Variants in TACR3 observed in about 807,000 individuals in gnomAD.
TACR3 encodes neuromedin-K receptor.
Under a neutral mutation model 35.0 loss-of-function variants are expected in TACR3, and 34 were observed. The ratio of observed to expected loss-of-function variants is 0.97; its 90% CI spans 0.74 to 1.30. The LOEUF is 1.30. Among genes scored for constraint, TACR3 ranks in the 50% most tolerant of loss-of-function variants. The pLI, the probability that TACR3 is intolerant of heterozygous loss-of-function variation, is 0.00. For missense variants in TACR3, 558 were observed against 591.7 expected, an observed-to-expected ratio of 0.94 and a Z score of 0.59; for synonymous variants, 233 against 221.1, an observed-to-expected ratio of 1.05 and a Z score of -0.48.
At chr4:103,661,773 A>T (rs1300965092) in intron 1 of TACR3, among the ~76,000 whole-genome samples, 1 of 152,144 alleles carries the variant, frequency 6.6e-6, no homozygotes, top group African/African-American at 2.4e-5. Flanking sequence ...CATGTTAGTG[A>T]TAGTAGAGAT....
intron 3 of TACR3, among the ~76,000 whole-genome samples, chr4:103,621,001 C>T (rs1376225531): frequency 6.6e-6 from 1 of 152,170 alleles, no homozygotes; most frequent in East Asian, 1.9e-4. Flanking sequence ...AATGCTAAGG[C>T]ATAGACCCTG....
chr4:103,587,311 G>T lies in TACR3; in HGVS notation c.*2371C>A, dbSNP rs1560795606. 4.0e-5 allele frequency: 6 copies of T among 151,838 alleles called. No individual in the cohort carries two copies. The highest frequency in any genetic ancestry group is 1.5e-4 in the African/African-American group (6 of 41,344). 9.4% of individuals were successfully genotyped at this position (151,838 alleles called of 1,614,324 possible). A position where few individuals can be genotyped will look rare whatever the true frequency, so the allele number is the denominator to read the frequency against. On this transcript the variant is annotated 3_prime_UTR_variant, in exon 5 of 5. Transcript: ENST00000304883. ...TGAACTTAAAAAATTCTGCCTATAG[G>T]TCTCAGTTTAAGGGCCATGAGTAGT...
Position 103,658,374 on chromosome 4 carries a change from G to A in TACR3, c.578C>T (p.Pro193Leu), listed in dbSNP as rs776075997. Residue 193 changes from proline to leucine, a missense_variant, in exon 2 of 5, where the codon CCC becomes CTC. Physicochemically the swap from Pro to Leu is moderately conservative, Grantham distance 98 (BLOSUM62 -3). Coordinates refer to ENST00000304883, the MANE Select transcript of TACR3 (RefSeq NM_001059.3). The part of the protein sequence containing the change: ...RYMAIIDPLK[P>L]RLSATATKIV... The stretch of plus-strand genomic sequence containing the variant: ...CTTGGTTGCTGTAGCAGACAGTCTG[G>A]GTTTCAAGGGATCAATAATAGCCAT... 11 of 1,613,510 alleles carry A rather than the reference G, an allele frequency of 6.8e-6. No individual in the cohort carries two copies. The Admixed American group carries it at 1.8e-4, about 27-fold the overall frequency.
At chr4:103,671,813 A>C (rs1358864327) in intron 1 of TACR3, among the ~76,000 whole-genome samples, 1 of 151,942 alleles carries the variant, frequency 6.6e-6, no homozygotes, top group African/African-American at 2.4e-5. Flanking sequence ...GTATCCCACA[A>C]AGGTTTTTAA....
rs958532427 is a variant in TACR3, at chr4:103,677,140, A to G, written c.549-18737T>C. Among the ~76,000 whole-genome samples the G allele has an allele frequency of 2.6e-5, 4 of 152,216 alleles. No homozygotes were observed. In the South Asian group the frequency reaches 8.3e-4, roughly 32 times the overall value. ...ACATCACTGATCATTAGAGAAATGC[A>G]TATCAAAACCACAATGAGATACCGT... On this transcript the variant is annotated intron_variant, in intron 1 of 4. Transcript: ENST00000304883.
intron 3 of TACR3, among the ~76,000 whole-genome samples, chr4:103,602,967 G>T (rs1724246961): frequency 6.6e-6 from 1 of 152,226 alleles, no homozygotes; most frequent in Non-Finnish European, 1.5e-5. Context: ...CTTTTTGTTT[G>T]TCTGTGCCCT....
chr4:103,614,226 G>A (rs1724580384), intron 3 of TACR3, among the ~76,000 whole-genome samples: 1 of 152,124 alleles, frequency 6.6e-6, no homozygotes, highest in African/African-American at 2.4e-5. Context: ...TCAAGAACAA[G>A]ACATTTAGTC....
chr4:103,685,989 T>G (rs1200971248), intron 1 of TACR3, among the ~76,000 whole-genome samples: 2 of 152,170 alleles, frequency 1.3e-5, no homozygotes, highest in African/African-American at 4.8e-5. Context: ...CTAGGGTATT[T>G]GTTGAAAATA....
intron 1 of TACR3, among the ~76,000 whole-genome samples, chr4:103,683,991 T>G (rs1311130209): frequency 6.6e-6 from 1 of 152,002 alleles, no homozygotes; most frequent in South Asian, 2.1e-4. Context: ...TTAAATATAT[T>G]AATTGATAAC....
At chr4:103,631,176 G>A (rs530000766) in intron 3 of TACR3, among the ~76,000 whole-genome samples, 286 of 152,146 alleles carry the variant, frequency 1.9e-3, no homozygotes, top group Non-Finnish European at 2.6e-3. Context: ...GGGGCCTGTC[G>A]GGGTGTGGGT....
At position 103,589,645 on chromosome 4, in the gene TACR3, A is replaced by G; in HGVS notation, c.*37T>C. The stretch of plus-strand genomic sequence containing the variant: ...AATGGGGTCCTAGACTGGCACCATG[A>G]TGGTCTCACACTAATCTTTTACCTC... On this transcript the variant is annotated 3_prime_UTR_variant, in exon 5 of 5. Coordinates refer to ENST00000304883, the MANE Select transcript of TACR3 (RefSeq NM_001059.3). 1 of 1,611,436 alleles carries G rather than the reference A, an allele frequency of 6.2e-7. No homozygotes were observed. The highest frequency in any genetic ancestry group is 8.5e-7 in the Non-Finnish European group (1 of 1,177,898).
rs1456555065 is a variant in TACR3, at chr4:103,586,771, G to A, written c.*2911C>T. The A allele has an allele frequency of 2.6e-5, 4 of 151,626 alleles. No individual in the cohort carries two copies. Among genetic ancestry groups the A allele is most frequent in the Non-Finnish European group, 2.9e-5 (2 of 68,020 alleles). 9.4% of individuals were successfully genotyped at this position (151,626 alleles called of 1,614,324 possible). On this transcript the variant is annotated 3_prime_UTR_variant, in exon 5 of 5. Coordinates refer to ENST00000304883, the MANE Select transcript of TACR3 (RefSeq NM_001059.3). ...TGTACTTGGTAAAAAATAAAAAAGT[G>A]TGAGAGTGAATTCTGTAACAATTAT...
At chr4:103,607,164 T>C (rs1339940541) in intron 3 of TACR3, among the ~76,000 whole-genome samples, 2 of 152,176 alleles carry the variant, frequency 1.3e-5, no homozygotes, top group East Asian at 1.9e-4. Context: ...TAATAATTCT[T>C]AATTAGACTT....
intron 3 of TACR3, among the ~76,000 whole-genome samples, chr4:103,594,258 AC>A (rs1385292211): frequency 6.6e-6 from 1 of 151,770 alleles, no homozygotes; most frequent in Non-Finnish European, 1.5e-5. Context: ...GCTCACTGCA[AC>A]CTCTGCCTCC....
chr4:103,658,002 C>T (rs978603397), intron 2 of TACR3, among the ~76,000 whole-genome samples: 33 of 152,152 alleles, frequency 2.2e-4, no homozygotes, highest in African/African-American at 7.5e-4. Flanking sequence ...ACATAGACAT[C>T]CTCATATTTC....
rs553989277 is a variant in TACR3 at position 103,610,340 on chromosome 4, T to C, written c.889-18657A>G. On this transcript the variant is annotated intron_variant, in intron 3 of 4. Coordinates refer to ENST00000304883, the MANE Select transcript of TACR3 (RefSeq NM_001059.3). ...CTAACTGGGATGAGATTATATCTCA[T>C]TGTGATTCTAATTTGTGTTTCTCTA... is the stretch of plus-strand genomic sequence containing the variant. 5.9e-5 allele frequency among the ~76,000 whole-genome samples: 9 copies of C among 152,256 alleles called. No individual in the cohort carries two copies. The South Asian group carries it at 1.2e-3, about 21-fold the overall frequency.
rs1301258987 is a variant in TACR3 at position 103,589,660 on chromosome 4, T to A, written c.*22A>T. ...TGGCACCATGATGGTCTCACACTAA[T>A]CTTTTACCTCAGGAAATGGAATTAA... On this transcript the variant is annotated 3_prime_UTR_variant, in exon 5 of 5. Coordinates refer to ENST00000304883, the MANE Select transcript of TACR3 (RefSeq NM_001059.3). 6.2e-7 allele frequency: 1 copy of A among 1,613,396 alleles called. No individual in the cohort carries two copies. Among genetic ancestry groups the A allele is most frequent in the Admixed American group, 1.7e-5 (1 of 59,988 alleles).
rs541688840 is a variant in TACR3 at position 103,605,509 on chromosome 4, T to A, written c.889-13826A>T. 9.0e-5 allele frequency among the ~76,000 whole-genome samples: 13 copies of A among 144,326 alleles called. No homozygotes were observed. The East Asian group carries it at 1.0e-3, about 11-fold the overall frequency. The allele number at this position is 144,326 out of a possible 152,430, so 94.7% of individuals were successfully genotyped here. ...CACCTGTTGTTTCCTGACTTTTTAATGATTGCCATTCTAACTGGTGTGAGA... is the reference window on the plus strand; with the variant it reads ...CACCTGTTGTTTCCTGACTTTTTAAAGATTGCCATTCTAACTGGTGTGAGA... On this transcript the variant is annotated intron_variant, in intron 3 of 4. Transcript: ENST00000304883.
chr4:103,653,951 C>T (rs1000107521), intron 3 of TACR3, among the ~76,000 whole-genome samples: 2 of 151,582 alleles, frequency 1.3e-5, no homozygotes, highest in African/African-American at 4.9e-5. Context: ...AAAAAATGCT[C>T]ATCATCACTG....
Sources: gnomAD v4.1 joint callset for allele counts (sites outside exome capture counted in the v4.1 genomes callset) on GRCh38, gnomAD v4.1.1 for gene constraint, MANE v1.5 for transcripts, NCBI Gene and HGNC (gene_info 2026-07-23, HGNC 2026-07-21) for gene names.